Variants in IMMP2L observed in about 807,000 individuals in gnomAD.
IMMP2L encodes mitochondrial inner membrane protease subunit 2.
In IMMP2L, 18 loss-of-function variants were observed where a neutral mutation model predicts 19.3. The observed-to-expected ratio is 0.93, with a 90% CI of 0.64 to 1.38. The LOEUF (loss-of-function observed/expected upper bound fraction) is 1.38, where lower values mean the gene tolerates loss of function less well. IMMP2L is among the 40% of genes most tolerant of loss of function. The pLI, the probability that IMMP2L is intolerant of heterozygous loss-of-function variation, is 0.00. For missense variants in IMMP2L, 233 were observed against 218.2 expected, an observed-to-expected ratio of 1.07 and a Z score of -0.43; for synonymous variants, 76 against 73.0, an observed-to-expected ratio of 1.04 and a Z score of -0.21.
intron 3 of IMMP2L, among the ~76,000 whole-genome samples, chr7:111,410,886 T>C (rs1213972156): frequency 1.3e-5 from 2 of 151,350 alleles, no homozygotes; most frequent in African/African-American, 2.4e-5. Context: ...ATAAACAGTC[T>C]TGGTAACATG....
chr7:111,088,466 G>C (rs911016793), intron 3 of IMMP2L, among the ~76,000 whole-genome samples: 6 of 151,976 alleles, frequency 3.9e-5, no homozygotes, highest in African/African-American at 1.2e-4. Context: ...AAAATGAAGG[G>C]AGAGAAGGAG....
At chr7:110,783,440 A>T (rs1036666058) in intron 5 of IMMP2L, among the ~76,000 whole-genome samples, 1 of 151,900 alleles carries the variant, frequency 6.6e-6, no homozygotes, top group Non-Finnish European at 1.5e-5. Context: ...TGTTGTTTCT[A>T]TTACAACAGG....
At chr7:110,837,054 T>G (rs1804553080) in intron 5 of IMMP2L, among the ~76,000 whole-genome samples, 1 of 152,168 alleles carries the variant, frequency 6.6e-6, no homozygotes, top group South Asian at 2.1e-4. Context: ...TAAGTATTTA[T>G]GTACAAGGTT....
At chr7:111,323,320 A>C (rs1209869001) in intron 3 of IMMP2L, among the ~76,000 whole-genome samples, 1 of 152,086 alleles carries the variant, frequency 6.6e-6, no homozygotes, top group African/African-American at 2.4e-5. Flanking sequence ...CCCATCAAAA[A>C]GTGGGCAAAG....
chr7:110,864,967 T>C (rs1469611983), intron 5 of IMMP2L, among the ~76,000 whole-genome samples: 2 of 152,020 alleles, frequency 1.3e-5, no homozygotes, highest in Admixed American at 6.6e-5. Context: ...CTCCATTCCA[T>C]AGATATTTAT....
At chr7:111,363,028 C>G (rs1189272974) in intron 3 of IMMP2L, among the ~76,000 whole-genome samples, 1 of 152,044 alleles carries the variant, frequency 6.6e-6, no homozygotes, top group Non-Finnish European at 1.5e-5. Context: ...TTGAAGACCT[C>G]AAATCTAAGG....
At chr7:111,138,002 G>GT (rs1373587956) in intron 3 of IMMP2L, among the ~76,000 whole-genome samples, 20 of 151,668 alleles carry the variant, frequency 1.3e-4, no homozygotes, top group Admixed American at 4.6e-4. Flanking sequence ...TTTTTGTGGG[G>GT]TTTTTTTTGT....
intron 2 of IMMP2L, among the ~76,000 whole-genome samples, chr7:111,521,102 C>G (rs548956811): frequency 9.9e-5 from 15 of 152,212 alleles, no homozygotes; most frequent in African/African-American, 3.4e-4. Flanking sequence ...ACCCAGAGAA[C>G]TGATAGTTAC....
At chr7:111,433,870 T>G (rs951085608) in intron 3 of IMMP2L, among the ~76,000 whole-genome samples, 11 of 151,808 alleles carry the variant, frequency 7.2e-5, no homozygotes, top group African/African-American at 2.7e-4. Flanking sequence ...CCATACTACA[T>G]GGAGCAATCT....
At chr7:110,993,966 C>T (rs1822757353) in intron 3 of IMMP2L, among the ~76,000 whole-genome samples, 1 of 151,944 alleles carries the variant, frequency 6.6e-6, no homozygotes, top group Non-Finnish European at 1.5e-5. Flanking sequence ...TGTCTCTGCC[C>T]TTTGTTCTCT....
intron 5 of IMMP2L, among the ~76,000 whole-genome samples, chr7:110,704,927 A>T (rs1363873441): frequency 1.3e-5 from 2 of 152,188 alleles, no homozygotes; most frequent in East Asian, 1.9e-4. Flanking sequence ...CTTTCCAGCA[A>T]AGCATTTTCT....
intron 3 of IMMP2L, among the ~76,000 whole-genome samples, chr7:111,398,889 A>G (rs1211153836): frequency 1.3e-5 from 2 of 151,914 alleles, no homozygotes; most frequent in African/African-American, 2.4e-5. Flanking sequence ...CTGCAAAAAA[A>G]AAAAAAAAAT....
At chr7:111,211,801 G>T (rs972503291) in intron 3 of IMMP2L, among the ~76,000 whole-genome samples, 2 of 152,120 alleles carry the variant, frequency 1.3e-5, no homozygotes, top group Non-Finnish European at 2.9e-5. Context: ...AGACCATCCT[G>T]GCTAACACGG....
Position 111,560,020 on chromosome 7 carries a change from A to T in IMMP2L, c.-3+1831T>A, listed in dbSNP as rs190048859. Among the ~76,000 whole-genome samples the T allele has an allele frequency of 8.7e-3, 959 of 109,634 alleles. 6 individuals are homozygous for T. The highest frequency in any genetic ancestry group is 0.011 in the Non-Finnish European group (552 of 49,870). The allele number at this position is 109,634 out of a possible 152,430, so 71.9% of individuals were successfully genotyped here. The stretch of plus-strand genomic sequence containing the variant: ...AATAACAGTGAAATATATATATATA[A>T]AACATGTATTATGTTCCACATATGT... On this transcript the variant is annotated intron_variant, in intron 1 of 5. Coordinates refer to ENST00000405709, the MANE Select transcript of IMMP2L (RefSeq NM_032549.4).
chr7:111,391,702 GA>G (rs1832367564), intron 3 of IMMP2L: 3 of 508,672 alleles, frequency 5.9e-6, no homozygotes, highest in Non-Finnish European at 7.0e-6. Context: ...ACTATCCAAA[GA>G]TGCAAATTTT....
chr7:111,037,598 G>A (rs1252931667), intron 3 of IMMP2L, among the ~76,000 whole-genome samples: 1 of 152,092 alleles, frequency 6.6e-6, no homozygotes, highest in African/African-American at 2.4e-5. Flanking sequence ...GCCCAGCAAG[G>A]TAACTGTGAA....
At position 111,015,244 on chromosome 7, in the gene IMMP2L, C is replaced by T. The variant is rs1434124388; in HGVS notation, c.240-51679G>A. Among the ~76,000 whole-genome samples, 3 of 152,170 alleles carry T rather than the reference C, an allele frequency of 2.0e-5. No homozygotes were observed. The East Asian group carries it at 5.8e-4, about 29-fold the overall frequency. ...GCTTTAAAAAGGAAGGATAGCCTAT[C>T]ATGTAATAAAACATAGATGAACTTT... On this transcript the variant is annotated intron_variant, in intron 3 of 5. Coordinates refer to ENST00000405709, the MANE Select transcript of IMMP2L (RefSeq NM_032549.4).
At chr7:111,531,594 T>C (rs1268578384) in intron 1 of IMMP2L, among the ~76,000 whole-genome samples, 1 of 152,176 alleles carries the variant, frequency 6.6e-6, no homozygotes, top group Non-Finnish European at 1.5e-5. Context: ...TGATAACCAT[T>C]AGCACGGAGA....
At chr7:111,289,189 G>A (rs1232325431) in intron 3 of IMMP2L, among the ~76,000 whole-genome samples, 2 of 151,412 alleles carry the variant, frequency 1.3e-5, no homozygotes, top group African/African-American at 4.9e-5. Flanking sequence ...AACACCACAT[G>A]TTCTCACTCA....
Sources: allele counts gnomAD v4.1 joint callset (sites outside exome capture counted in the v4.1 genomes callset), GRCh38; gene constraint gnomAD v4.1.1; transcripts MANE v1.5; gene names NCBI Gene and HGNC (gene_info 2026-07-23, HGNC 2026-07-21).